The following SCAMP1 variants were observed in gnomAD, a reference collection of about 807,000 sequenced individuals.
SCAMP1 encodes the protein secretory carrier membrane protein 1.
Under a neutral mutation model 41.8 loss-of-function variants are expected in SCAMP1, and 15 were observed. The observed-to-expected ratio is 0.36, with a 90% CI of 0.24 to 0.55. SCAMP1 has a LOEUF of 0.55. Ranked by LOEUF, SCAMP1 falls within the 20% of genes least tolerant of loss-of-function variation. SCAMP1 has a pLI of 0.86. For missense variants in SCAMP1, 341 were observed against 412.6 expected, an observed-to-expected ratio of 0.83 and a Z score of 1.50; for synonymous variants, 135 against 136.8, an observed-to-expected ratio of 0.99 and a Z score of 0.09.
chr5:78,463,168 C>T (rs1753660323), intron 8 of SCAMP1, among the ~76,000 whole-genome samples: 1 of 152,182 alleles, frequency 6.6e-6, no homozygotes, highest in African/African-American at 2.4e-5. Context: ...ATACCATTGA[C>T]ACTCAGCTCT....
chr5:78,435,330 C>T (rs1041050571), intron 6 of SCAMP1, among the ~76,000 whole-genome samples: 53 of 152,164 alleles, frequency 3.5e-4, no homozygotes, highest in African/African-American at 1.1e-3. Flanking sequence ...TGGTTTGCTG[C>T]ACCCATCAAC....
At chr5:78,458,598 A>G (rs1049881313) in intron 7 of SCAMP1, among the ~76,000 whole-genome samples, 1 of 152,224 alleles carries the variant, frequency 6.6e-6, no homozygotes, top group African/African-American at 2.4e-5. Context: ...AAAAAATGTA[A>G]TAATAGGCCA....
At chr5:78,413,035 T>TAAAAATATTCAC (rs1752119405) in intron 2 of SCAMP1, among the ~76,000 whole-genome samples, 1 of 152,228 alleles carries the variant, frequency 6.6e-6, no homozygotes, top group Non-Finnish European at 1.5e-5. Flanking sequence ...GAAATATTCA[T>TAAAAATATTCAC]AAAAATATTC....
In SCAMP1 at chr5:78,418,893, C is replaced by T. The variant is rs1056440221; in HGVS notation, c.462C>T (p.Tyr154=). The T allele has an allele frequency of 2.2e-5, 35 of 1,566,116 alleles. No homozygotes were observed. The highest frequency in any genetic ancestry group is 3.0e-5 in the Non-Finnish European group (35 of 1,157,904). ...AAAAGACAGTAAAGCTTATGTACTA[C>T]TTGTGGATGTGTGAGTATACAACAA... ...EFQKTVKLMY[Y]LWMFHAVTLF... Residue 154 remains tyrosine, a synonymous_variant, in exon 5 of 9, where the codon TAC becomes TAT. Transcript: ENST00000621999.
chr5:78,417,773 C>T (rs548352058), intron 4 of SCAMP1, among the ~76,000 whole-genome samples: 1 of 152,208 alleles, frequency 6.6e-6, no homozygotes, highest in African/African-American at 2.4e-5. Flanking sequence ...TATTCACTGC[C>T]GCTTCTCAAA....
rs561646984 is a variant in SCAMP1 at position 78,409,742 on chromosome 5, C to T, written c.136-5778C>T. Among the ~76,000 whole-genome samples, 8 of 152,246 alleles carry T rather than the reference C, an allele frequency of 5.3e-5. No homozygotes were observed. The South Asian group carries it at 1.2e-3, about 24-fold the overall frequency. Reference sequence around the variant, plus strand: ...CAAGCAACTATGGCCTTAAATATATCGCATTACCAGCTCTAACCCTACCTT... The same window carrying T: ...CAAGCAACTATGGCCTTAAATATATTGCATTACCAGCTCTAACCCTACCTT... On this transcript the variant is annotated intron_variant, in intron 2 of 8. Coordinates refer to ENST00000621999, the MANE Select transcript of SCAMP1 (RefSeq NM_004866.6).
chr5:78,446,725 A>G (rs991888624), intron 6 of SCAMP1, among the ~76,000 whole-genome samples: 5 of 152,212 alleles, frequency 3.3e-5, no homozygotes, highest in African/African-American at 7.2e-5. Context: ...GTTATTTTTC[A>G]TTAATAATTT....
rs1255427818 is a variant in SCAMP1, at chr5:78,421,926, G to A, written c.598G>A (p.Val200Ile). Residue 200 changes from valine to isoleucine, a missense_variant, in exon 6 of 9, where the codon GTC becomes ATC. Val to Ile is a conservative substitution (Grantham distance 29, BLOSUM62 3). Coordinates refer to ENST00000621999, the MANE Select transcript of SCAMP1 (RefSeq NM_004866.6). Reference protein sequence around the residue: ...WFLLFTPCSFVCWYRPLYGAF... With the variant: ...WFLLFTPCSFICWYRPLYGAF... ...CTTGCTTTTTACTCCTTGTTCATTT[G>A]TCTGTTGGTACAGACCACTTTATGG... 3.7e-6 allele frequency: 6 copies of A among 1,613,520 alleles called. No homozygotes were observed. In the African/African-American group the frequency reaches 5.3e-5, roughly 14 times the overall value.
chr5:78,479,810 A>G lies in SCAMP1; in HGVS notation c.*4142A>G, dbSNP rs1580728705. On this transcript the variant is annotated 3_prime_UTR_variant, in exon 9 of 9. Transcript: ENST00000621999. The stretch of plus-strand genomic sequence containing the variant: ...GTAATCCCAGCACTTTGGGAGGCCA[A>G]GGTGGGCGGATCACGAGGTCAGGAG... Among the ~76,000 whole-genome samples the G allele has an allele frequency of 6.6e-6, 1 of 152,296 alleles. No homozygotes were observed. The highest frequency in any genetic ancestry group is 2.4e-5 in the African/African-American group (1 of 41,568).
chr5:78,367,601 G>C (rs1259421231), intron 1 of SCAMP1, among the ~76,000 whole-genome samples: 1 of 152,150 alleles, frequency 6.6e-6, no homozygotes, highest in Non-Finnish European at 1.5e-5. Flanking sequence ...GCTGTATTCT[G>C]TTGGTCAAAA....
At chr5:78,367,084 G>T (rs1750816825) in intron 1 of SCAMP1, among the ~76,000 whole-genome samples, 1 of 152,156 alleles carries the variant, frequency 6.6e-6, no homozygotes, top group Non-Finnish European at 1.5e-5. Flanking sequence ...GTTGCAGTTT[G>T]TGGGCCTGTG....
chr5:78,400,208 A>T (rs1363453725), intron 2 of SCAMP1, among the ~76,000 whole-genome samples: 1 of 152,200 alleles, frequency 6.6e-6, no homozygotes, highest in African/African-American at 2.4e-5. Context: ...TGGGCTCTCC[A>T]TTCTGTCCTG....
At chr5:78,389,590 T>C (rs1340685937) in intron 2 of SCAMP1, among the ~76,000 whole-genome samples, 1 of 152,124 alleles carries the variant, frequency 6.6e-6, no homozygotes, top group Non-Finnish European at 1.5e-5. Flanking sequence ...TTTTGATTTA[T>C]AAAATGTACA....
intron 5 of SCAMP1, among the ~76,000 whole-genome samples, chr5:78,419,430 T>C (rs1752286820): frequency 6.6e-6 from 1 of 152,226 alleles, no homozygotes; most frequent in South Asian, 2.1e-4. Flanking sequence ...CAGGACATTT[T>C]GTTGAACGGA....
At chr5:78,472,303 T>A (rs1027933361) in intron 8 of SCAMP1, among the ~76,000 whole-genome samples, 3 of 152,088 alleles carry the variant, frequency 2.0e-5, no homozygotes, top group African/African-American at 7.2e-5. Flanking sequence ...AGGTTTGTTA[T>A]GGGTATACAT....
chr5:78,449,874 TC>T, intron 6 of SCAMP1, 58 bp from the exon 7 acceptor site: 1 of 864,122 alleles, frequency 1.2e-6, no homozygotes, highest in South Asian at 1.6e-5. Flanking sequence ...ATGACGTTTT[TC>T]CCCTTCTTTC....
At chr5:78,440,182 G>A (rs1044857008) in intron 6 of SCAMP1, among the ~76,000 whole-genome samples, 2 of 151,866 alleles carry the variant, frequency 1.3e-5, no homozygotes, top group Admixed American at 6.6e-5. Flanking sequence ...TTGTTATTAC[G>A]GATCGTCTGA....
At chr5:78,458,648 G>A (rs190595069) in intron 7 of SCAMP1, among the ~76,000 whole-genome samples, 7 of 152,268 alleles carry the variant, frequency 4.6e-5, no homozygotes, top group Non-Finnish European at 8.8e-5. Flanking sequence ...TTGGGAGGCC[G>A]AGTCAGGTGG....
chr5:78,467,019 T>C (rs1317660342), intron 8 of SCAMP1, among the ~76,000 whole-genome samples: 1 of 151,938 alleles, frequency 6.6e-6, no homozygotes, highest in Non-Finnish European at 1.5e-5. Context: ...ACAAGAAAAA[T>C]GGTTTGGGGA....
Sources: gnomAD v4.1 joint callset for allele counts (sites outside exome capture counted in the v4.1 genomes callset) on GRCh38, gnomAD v4.1.1 for gene constraint, MANE v1.5 for transcripts, NCBI Gene and HGNC (gene_info 2026-07-23, HGNC 2026-07-21) for gene names.